Variants in RBFOX1 observed in about 807,000 individuals in gnomAD.
RBFOX1 encodes RNA binding fox-1 homolog 1, also known as RNA binding protein fox-1 homolog 1.
In RBFOX1, 8 loss-of-function variants were observed where a neutral mutation model predicts 57.7. The observed-to-expected ratio is 0.14, with a 90% confidence interval of 0.08 to 0.25. The LOEUF (loss-of-function observed/expected upper bound fraction) is 0.25. Ranked by LOEUF, RBFOX1 falls within the 10% of genes least tolerant of loss-of-function variation. RBFOX1 has a pLI of 1.00. For missense variants in RBFOX1, 611 were observed against 548.5 expected (o/e 1.11, Z -1.14); for synonymous variants, 326 against 222.4 (o/e 1.47, Z -4.15).
intron 2 of RBFOX1, among the ~76,000 whole-genome samples, chr16:6,602,452 G>A (rs1601186056): frequency 6.6e-6 from 1 of 152,310 alleles, no homozygotes; most frequent in South Asian, 2.1e-4. Context: ...GAAGGCAGGT[G>A]AATCTCATGA....
chr16:6,874,979 G>A (rs1347803948), intron 3 of RBFOX1, among the ~76,000 whole-genome samples: 1 of 152,160 alleles, frequency 6.6e-6, no homozygotes, highest in Non-Finnish European at 1.5e-5. Flanking sequence ...CATAACCCAT[G>A]TTACTAATCT....
intron 3 of RBFOX1, among the ~76,000 whole-genome samples, chr16:6,685,307 A>T (rs1375774582): frequency 1.2e-4 from 15 of 120,324 alleles, no homozygotes; most frequent in African/African-American, 4.6e-4. Flanking sequence ...ATGGAGTCTC[A>T]CCCTGTTGCC....
At chr16:6,427,018 T>A (rs573829284) in intron 2 of RBFOX1, among the ~76,000 whole-genome samples, 1 of 152,334 alleles carries the variant, frequency 6.6e-6, no homozygotes, top group East Asian at 1.9e-4. Context: ...GACTATGGCA[T>A]GAACTCCTGT....
intron 2 of RBFOX1, among the ~76,000 whole-genome samples, chr16:6,557,040 T>C (rs1226245759): frequency 2.3e-5 from 3 of 130,336 alleles, no homozygotes; most frequent in Non-Finnish European, 4.6e-5. Context: ...TATACACATA[T>C]ATATACATAT....
At chr16:6,562,581 T>G (rs1407587299) in intron 2 of RBFOX1, among the ~76,000 whole-genome samples, 2 of 152,196 alleles carry the variant, frequency 1.3e-5, no homozygotes, top group African/African-American at 2.4e-5. Flanking sequence ...ATTTCACTAA[T>G]AGGTTATAAG....
chr16:6,736,459 C>G (rs1399200894), intron 3 of RBFOX1, among the ~76,000 whole-genome samples: 2 of 152,172 alleles, frequency 1.3e-5, no homozygotes, highest in Non-Finnish European at 2.9e-5. Context: ...TCTCTAATCT[C>G]ATCCATGTCA....
At chr16:6,970,115 C>A (rs541097588) in intron 3 of RBFOX1, among the ~76,000 whole-genome samples, 4 of 151,884 alleles carry the variant, frequency 2.6e-5, no homozygotes, top group East Asian at 2.0e-4. Context: ...GGGTTCAAGA[C>A]TGAAGCGAGC....
intron 4 of RBFOX1, among the ~76,000 whole-genome samples, chr16:7,198,446 C>T (rs1438695098): frequency 6.6e-6 from 1 of 152,136 alleles, no homozygotes; most frequent in Non-Finnish European, 1.5e-5. Flanking sequence ...ATATGAATTC[C>T]ACCTCCATTG....
chr16:5,795,999 T>G (rs943607021), intron 3 of RBFOX1, among the ~76,000 whole-genome samples: 1 of 152,208 alleles, frequency 6.6e-6, no homozygotes, highest in African/African-American at 2.4e-5. Context: ...GTTTTCCCAT[T>G]TGCATAGGGC....
At chr16:6,714,454 A>C (rs113257695) in intron 3 of RBFOX1, among the ~76,000 whole-genome samples, 214 of 152,242 alleles carry the variant, frequency 1.4e-3, no homozygotes, top group African/African-American at 4.9e-3. Flanking sequence ...GCTTTATCCC[A>C]CTACGGGATC....
At chr16:6,203,663 A>G (rs186182800) in intron 1 of RBFOX1, among the ~76,000 whole-genome samples, 1 of 152,350 alleles carries the variant, frequency 6.6e-6, no homozygotes, top group East Asian at 1.9e-4. Context: ...GAGGGCTGTT[A>G]TAGAAACAAA....
intron 1 of RBFOX1, among the ~76,000 whole-genome samples, chr16:5,449,735 A>C (rs2151562099): frequency 6.6e-6 from 1 of 152,210 alleles, no homozygotes; most frequent in East Asian, 1.9e-4. Context: ...CAGCCCCCCG[A>C]GTAGATGGAA....
intron 4 of RBFOX1, among the ~76,000 whole-genome samples, chr16:5,871,280 A>G (rs2151903462): frequency 6.6e-6 from 1 of 152,356 alleles, no homozygotes; most frequent in South Asian, 2.1e-4. Flanking sequence ...CTAGCCGCAA[A>G]GCACCTGGCC....
At chr16:7,094,287 C>T (rs971179420) in intron 4 of RBFOX1, among the ~76,000 whole-genome samples, 5 of 151,906 alleles carry the variant, frequency 3.3e-5, no homozygotes, top group Non-Finnish European at 5.9e-5. Context: ...AAGATAATTT[C>T]GGGAAGCAAT....
At chr16:7,361,468 C>G (rs575170948) in intron 4 of RBFOX1, among the ~76,000 whole-genome samples, 120 of 152,320 alleles carry the variant, frequency 7.9e-4, no homozygotes, top group Non-Finnish European at 1.5e-3. Flanking sequence ...TGAGGGTTAC[C>G]TGGTCCCCTG....
chr16:6,589,748 G>A (rs1240194958), intron 2 of RBFOX1, among the ~76,000 whole-genome samples: 1 of 152,148 alleles, frequency 6.6e-6, no homozygotes, highest in African/African-American at 2.4e-5. Context: ...TCTCATCTTT[G>A]TTTCAAAATT....
At chr16:5,529,997 C>A (rs72633287) in intron 2 of RBFOX1, among the ~76,000 whole-genome samples, 1 of 152,022 alleles carries the variant, frequency 6.6e-6, no homozygotes, top group African/African-American at 2.4e-5. Flanking sequence ...ACAACAGATT[C>A]TTCCTCACAG....
At chr16:6,274,072 G>A (rs1052740210) in intron 1 of RBFOX1, among the ~76,000 whole-genome samples, 4 of 152,128 alleles carry the variant, frequency 2.6e-5, no homozygotes, top group African/African-American at 4.8e-5. Context: ...TTGAGCATTC[G>A]GATTACATAC....
chr16:5,546,472 A>G (rs1338199238), intron 2 of RBFOX1, among the ~76,000 whole-genome samples: 10 of 152,216 alleles, frequency 6.6e-5, no homozygotes, highest in Admixed American at 6.5e-4. Flanking sequence ...CAAGGTAGAT[A>G]CTTGGGTCGA....
Sources: gnomAD v4.1 joint callset for allele counts (sites outside exome capture counted in the v4.1 genomes callset) on GRCh38, gnomAD v4.1.1 for gene constraint, MANE v1.5 for transcripts, NCBI Gene and HGNC (gene_info 2026-07-23, HGNC 2026-07-21) for gene names.